ALDH1L2: variants seen among roughly 807,000 people sequenced by gnomAD.
The protein encoded by ALDH1L2 is aldehyde dehydrogenase 1 family member L2.
ALDH1L2 carries 91 observed loss-of-function variants against 111.0 expected under a neutral mutation model. The observed-to-expected ratio is 0.82, with a 90% confidence interval of 0.69 to 0.98. The LOEUF (loss-of-function observed/expected upper bound fraction) is 0.98, where lower values mean the gene tolerates loss of function less well. Ranked by LOEUF, ALDH1L2 falls within the 50% of genes least tolerant of loss-of-function variation. The pLI, the probability that ALDH1L2 is intolerant of heterozygous loss-of-function variation, is 0.00. For synonymous variants in ALDH1L2, 374 were observed against 392.6 expected (o/e 0.95, Z 0.56); for missense variants, 995 against 1,126.8 (o/e 0.88, Z 1.67).
chr12:105,031,811 C>A lies in ALDH1L2; in HGVS notation c.2368G>T (p.Gly790Trp), dbSNP rs1470334637. 3 of 1,614,064 alleles carry A rather than the reference C, an allele frequency of 1.9e-6. No individual in the cohort carries two copies. ...LQYCETGVKE[G>W]ATLVYGGRQV... ...CTTCCCCCGTACACCAAAGTGGCCC[C>A]TTCTTTCACTCCAGTTTCACAGTAT... The change falls in exon 20 of 23, where the codon GGG (glycine) becomes TGG (tryptophan). Residue 790 changes from glycine (G) to tryptophan (W), a missense_variant. Gly to Trp is a radical substitution (Grantham distance 184). Transcript: ENST00000258494.
chr12:105,044,739 G>A (rs1592777387), intron 15 of ALDH1L2, among the ~76,000 whole-genome samples: 1 of 151,868 alleles, frequency 6.6e-6, no homozygotes, highest in East Asian at 1.9e-4. Flanking sequence ...ACTTGCACAT[G>A]TGCATTATAC....
chr12:105,084,351 A>G, intron 1 of ALDH1L2, 38 bp downstream of exon 1: 1 of 1,496,422 alleles, frequency 6.7e-7, no homozygotes, highest in Non-Finnish European at 8.9e-7. Flanking sequence ...AAACCAGGAC[A>G]GGGTGACAGC....
At chr12:105,044,981 CTT>C (rs1875756149) in intron 15 of ALDH1L2, among the ~76,000 whole-genome samples, 1 of 152,130 alleles carries the variant, frequency 6.6e-6, no homozygotes, top group Middle Eastern at 3.4e-3. Context: ...GCTCTACTCT[CTT>C]AACAAATTTT....
At position 105,070,798 on chromosome 12, in the gene ALDH1L2, G is replaced by A. The variant is rs148873679; in HGVS notation, c.200C>T (p.Ala67Val). Reference protein sequence around the residue: ...KDGKADPLALAAEKDGTPVFK... With the variant: ...KDGKADPLALVAEKDGTPVFK... ...CACAGGGGTCCCATCTTTCTCTGCAGCCAAAGCTGAGCATAAAAAAGAAGA... is the reference window on the plus strand; with the variant it reads ...CACAGGGGTCCCATCTTTCTCTGCAACCAAAGCTGAGCATAAAAAAGAAGA... The change falls in exon 3 of 23, where the codon GCT (alanine) becomes GTT (valine). Residue 67 changes from alanine (A) to valine (V), a missense_variant. Physicochemically the swap from Ala to Val is moderately conservative, Grantham distance 64. Coordinates refer to ENST00000258494, the MANE Select transcript of ALDH1L2 (RefSeq NM_001034173.4). 3.4e-5 allele frequency: 55 copies of A among 1,609,264 alleles called. 2 individuals carry two copies. The African/African-American group carries it at 6.8e-4, about 20-fold the overall frequency.
Position 105,031,836 on chromosome 12 carries a change from T to C in ALDH1L2, c.2343A>G (p.Gln781=). ...NHKAHLEKLL[Q]YCETGVKEGA... ...CTTCTTTCACTCCAGTTTCACAGTATTGCAGCAGCTTTTCCAGATGAGCCT... is the reference window on the plus strand; with the variant it reads ...CTTCTTTCACTCCAGTTTCACAGTACTGCAGCAGCTTTTCCAGATGAGCCT... Residue 781 remains glutamine, a synonymous_variant, in exon 20 of 23, where the codon CAA becomes CAG. Coordinates refer to ENST00000258494, the MANE Select transcript of ALDH1L2 (RefSeq NM_001034173.4). 6.2e-7 allele frequency: 1 copy of C among 1,614,218 alleles called. No homozygotes were observed. The highest frequency in any genetic ancestry group is 8.5e-7 in the Non-Finnish European group (1 of 1,180,026).
intron 9 of ALDH1L2, among the ~76,000 whole-genome samples, 163 bp from the exon 10 acceptor site, chr12:105,058,383 TA>T (rs751496759): frequency 6.6e-6 from 1 of 152,226 alleles, no homozygotes; most frequent in South Asian, 2.1e-4. Flanking sequence ...TTGATAAGAC[TA>T]GGGGCAAGAA....
chr12:105,054,620 C>G (rs1415539259), intron 10 of ALDH1L2, among the ~76,000 whole-genome samples: 1 of 152,142 alleles, frequency 6.6e-6, no homozygotes. Context: ...AGCCTCATCC[C>G]AAAGAACTGT....
At chr12:105,035,027 CTTAAAT>C (rs2136052085) in intron 18 of ALDH1L2, among the ~76,000 whole-genome samples, 1 of 152,180 alleles carries the variant, frequency 6.6e-6, no homozygotes, top group African/African-American at 2.4e-5. Flanking sequence ...TTATTCTCTT[CTTAAAT>C]TTATTTTTTA....
At chr12:105,068,945 A>G in intron 3 of ALDH1L2, 61 bp from the exon 4 acceptor site, 2 of 1,324,418 alleles carry the variant, frequency 1.5e-6, no homozygotes, top group Non-Finnish European at 2.0e-6. Context: ...GTGATGAATT[A>G]GTGATATTAA....
At chr12:105,053,476 G>A (rs1041722684) in intron 10 of ALDH1L2, among the ~76,000 whole-genome samples, 3 of 152,178 alleles carry the variant, frequency 2.0e-5, no homozygotes, top group African/African-American at 7.2e-5. Context: ...TTTCAACAAT[G>A]CAATGGGGAT....
chr12:105,037,074 A>G (rs915870056), intron 18 of ALDH1L2, among the ~76,000 whole-genome samples: 7 of 152,206 alleles, frequency 4.6e-5, no homozygotes, highest in African/African-American at 1.7e-4. Flanking sequence ...TGCTTAGTGC[A>G]TAGGCTGGAC....
At chr12:105,050,590 C>A in intron 12 of ALDH1L2, 1 of 395,558 alleles carries the variant, frequency 2.5e-6, no homozygotes, top group Non-Finnish European at 5.0e-6. Flanking sequence ...ATTTATTTTT[C>A]TTCTGTATTT....
At chr12:105,067,215 C>CAAAAAAAAAAAA (rs11334156) in intron 4 of ALDH1L2, among the ~76,000 whole-genome samples, 7 of 97,244 alleles carry the variant, frequency 7.2e-5, no homozygotes, top group Non-Finnish European at 1.2e-4. Context: ...GACTCTGTCT[C>CAAAAAAAAAAAA]AAAAAAAAAA....
Position 105,031,772 on chromosome 12 carries a change from G to C in ALDH1L2, c.2407C>G (p.Pro803Ala), listed in dbSNP as rs1446252963. Residue 803 changes from proline (P) to alanine (A), a missense_variant, in exon 20 of 23, where the codon CCA (proline) becomes GCA (alanine). Transcript: ENST00000258494. ...LVYGGRQVQR[P>A]GFFMEPTVFT... ...ACCCCCACAGAGGTGATCTTACCTG[G>C]CCTTTGGACTTGTCTTCCCCCGTAC... The C allele has an allele frequency of 6.2e-7, 1 of 1,614,014 alleles. No homozygotes were observed. Among genetic ancestry groups the C allele is most frequent in the South Asian group, 1.1e-5 (1 of 91,056 alleles).
chr12:105,026,128 G>A (rs1166569071), intron 22 of ALDH1L2, among the ~76,000 whole-genome samples: 3 of 152,072 alleles, frequency 2.0e-5, no homozygotes, highest in Non-Finnish European at 2.9e-5. Flanking sequence ...CTGAAAGCCT[G>A]CCAAGAAGCT....
At chr12:105,033,045 T>C (rs1246046523) in intron 19 of ALDH1L2, among the ~76,000 whole-genome samples, 2 of 152,198 alleles carry the variant, frequency 1.3e-5, no homozygotes, top group Non-Finnish European at 2.9e-5. Context: ...CCAATTCTGG[T>C]AAGAAGAATG....
intron 1 of ALDH1L2, among the ~76,000 whole-genome samples, chr12:105,076,333 G>A (rs1293992140): frequency 2.0e-5 from 3 of 152,110 alleles, no homozygotes; most frequent in Non-Finnish European, 4.4e-5. Context: ...AAGAAATGGT[G>A]GAAATAAGAG....
At chr12:105,060,441 G>A (rs1166585130) in intron 9 of ALDH1L2, 1 of 152,158 alleles carries the variant, frequency 6.6e-6, no homozygotes, top group East Asian at 1.9e-4. Flanking sequence ...GTATACGGAA[G>A]ATATGAAAAC....
At position 105,046,217 on chromosome 12, in the gene ALDH1L2, ATATATTTTTTTTT is replaced by A. The variant is rs1479362711; in HGVS notation, c.1863+480_1863+492del. The stretch of plus-strand genomic sequence containing the variant: ...TCTATATATATATATATATATATAT[ATATATTTTTTTTT>A]TTTTTTTTTTTTTTTTTTTTTGTGA... On this transcript the variant is annotated intron_variant, in intron 15 of 22. Transcript: ENST00000258494. 2.1e-4 allele frequency among the ~76,000 whole-genome samples: 7 copies of A among 32,732 alleles called. 1 individual carries two copies. The highest frequency in any genetic ancestry group is 8.4e-4 in the African/African-American group (6 of 7,152). 21.5% of individuals were successfully genotyped at this position (32,732 alleles called of 152,430 possible). A position where few individuals can be genotyped will look rare whatever the true frequency, so the allele number is the denominator to read the frequency against.
Sources: gnomAD v4.1 joint callset for allele counts (sites outside exome capture counted in the v4.1 genomes callset) on GRCh38, gnomAD v4.1.1 for gene constraint, MANE v1.5 for transcripts, NCBI Gene and HGNC (gene_info 2026-07-23, HGNC 2026-07-21) for gene names.